TPD52: variants seen among roughly 807,000 people sequenced by gnomAD.
TPD52 encodes prostate and colon associated protein.
In TPD52, 17 loss-of-function variants were observed where a neutral mutation model predicts 31.3. The observed-to-expected ratio is 0.54, with a 90% CI of 0.37 to 0.82. The LOEUF is 0.82. Ranked by LOEUF, TPD52 falls within the 40% of genes least tolerant of loss-of-function variation. The probability of loss-of-function intolerance (pLI) is 0.00; values close to 1 mark genes in which losing one functional copy is unlikely to be tolerated. For synonymous variants in TPD52, 83 were observed against 89.6 expected (o/e 0.93, Z 0.42); for missense variants, 212 against 240.1 (o/e 0.88, Z 0.77).
At chr8:80,161,234 C>A (rs1179952347) in intron 1 of TPD52, among the ~76,000 whole-genome samples, 1 of 152,154 alleles carries the variant, frequency 6.6e-6, no homozygotes, top group Non-Finnish European at 1.5e-5. Flanking sequence ...TTCTTACATA[C>A]CTGCCTTAGG....
chr8:80,085,671 A>G (rs1433543000), intron 1 of TPD52, among the ~76,000 whole-genome samples: 1 of 152,240 alleles, frequency 6.6e-6, no homozygotes, highest in African/African-American at 2.4e-5. Flanking sequence ...AGAGTCCAAG[A>G]AAGTAATAAA....
At chr8:80,090,682 CTAT>C (rs1045528517) in intron 1 of TPD52, among the ~76,000 whole-genome samples, 7 of 150,852 alleles carry the variant, frequency 4.6e-5, no homozygotes, top group Non-Finnish European at 8.8e-5. Context: ...GGAAAAAAGA[CTAT>C]TATAGCACAG....
chr8:80,080,540 G>A, intron 1 of TPD52: 1 of 1,523,048 alleles, frequency 6.6e-7, no homozygotes, highest in Non-Finnish European at 8.8e-7. Flanking sequence ...CCCTTTGTAG[G>A]GTGCAACTTC....
intron 1 of TPD52, chr8:80,066,963 CCAAAA>C (rs1813225341): frequency 2.0e-5 from 3 of 152,158 alleles, no homozygotes; most frequent in Non-Finnish European, 4.4e-5. Flanking sequence ...CAACAGATCT[CCAAAA>C]CAAAACAAGC....
chr8:80,031,986 C>G (rs972438640), downstream of TPD52, among the ~76,000 whole-genome samples: 14 of 152,038 alleles, frequency 9.2e-5, no homozygotes, highest in African/African-American at 2.9e-4. Context: ...AACCCTGTCT[C>G]TACTAAAAAT....
chr8:80,140,950 C>CGTGT (rs142097159), intron 1 of TPD52, among the ~76,000 whole-genome samples: 3,555 of 143,730 alleles, frequency 0.025, 77 homozygotes, highest in African/African-American at 0.051. Context: ...CAATACAACT[C>CGTGT]GTGTGTGTGT....
chr8:80,041,388 T>C (rs923714743), intron 7 of TPD52, among the ~76,000 whole-genome samples: 1 of 152,250 alleles, frequency 6.6e-6, no homozygotes, highest in African/African-American at 2.4e-5. Flanking sequence ...GACTCAAAGT[T>C]CTGAAAGACT....
At chr8:80,092,561 T>C (rs1816360256) in intron 1 of TPD52, among the ~76,000 whole-genome samples, 1 of 152,192 alleles carries the variant, frequency 6.6e-6, no homozygotes, top group Non-Finnish European at 1.5e-5. Flanking sequence ...AATTGTGGTA[T>C]ATATACACAA....
At chr8:80,168,921 T>C (rs1811888548) in intron 1 of TPD52, among the ~76,000 whole-genome samples, 1 of 152,142 alleles carries the variant, frequency 6.6e-6, no homozygotes, top group African/African-American at 2.4e-5. Flanking sequence ...ACTGGTAACA[T>C]AAAGATGAAA....
intron 2 of TPD52, among the ~76,000 whole-genome samples, chr8:80,062,428 A>C (rs535660578): frequency 6.6e-6 from 1 of 152,338 alleles, no homozygotes; most frequent in African/African-American, 2.4e-5. Context: ...CCAACACTAT[A>C]AAAGTCTTAG....
chr8:80,039,497 C>T (rs994256702), intron 7 of TPD52, among the ~76,000 whole-genome samples: 3 of 152,096 alleles, frequency 2.0e-5, no homozygotes, highest in Non-Finnish European at 4.4e-5. Context: ...AATTCACTCT[C>T]CATCATCTTT....
downstream of TPD52, among the ~76,000 whole-genome samples, chr8:80,031,085 T>C (rs770831207): frequency 7.2e-5 from 11 of 152,216 alleles, no homozygotes; most frequent in Non-Finnish European, 1.6e-4. Flanking sequence ...CCTAACATCA[T>C]TCTTAAGTGT....
chr8:80,099,048 C>A (rs946139329), intron 1 of TPD52, among the ~76,000 whole-genome samples: 1 of 151,960 alleles, frequency 6.6e-6, no homozygotes, highest in African/African-American at 2.4e-5. Flanking sequence ...GTTTTGGGGG[C>A]GAGGGTATAT....
chr8:80,147,707 G>C (rs1586394154), intron 1 of TPD52, among the ~76,000 whole-genome samples: 1 of 152,240 alleles, frequency 6.6e-6, no homozygotes, highest in East Asian at 1.9e-4. Flanking sequence ...CGACAAAAAA[G>C]GGAGCTCTGA....
intron 1 of TPD52, among the ~76,000 whole-genome samples, chr8:80,138,337 T>A (rs1387562817): frequency 6.6e-6 from 1 of 152,198 alleles, no homozygotes; most frequent in African/African-American, 2.4e-5. Context: ...ATCTTCCAAC[T>A]GAAATCTGAT....
At chr8:80,042,795 C>A in intron 6 of TPD52, 127 bp from the exon 7 acceptor site, 2 of 783,428 alleles carry the variant, frequency 2.6e-6, no homozygotes, top group Non-Finnish European at 4.0e-6. Flanking sequence ...ATAATCTGTA[C>A]CATATATGTG....
Position 80,171,424 on chromosome 8 carries a change from C to A in TPD52, c.19+1G>T. 1.3e-6 allele frequency: 2 copies of A among 1,596,228 alleles called. 1 individual carries two copies. Among genetic ancestry groups the A allele is most frequent in the Non-Finnish European group, 1.7e-6 (2 of 1,177,898 alleles). On this transcript the variant is annotated splice_donor_variant, in intron 1 of 7. Coordinates refer to ENST00000518937, the MANE Select transcript of TPD52 (RefSeq NM_001025253.3). LOFTEE classifies it high-confidence loss of function. The stretch of plus-strand genomic sequence containing the variant: ...CAAGCCCGCTGGGTCCGCGCCCTCA[C>A]CTTGCTCGCCGCGGTCCATGTCTCC...
At chr8:80,043,208 G>A (rs1481549596) in intron 6 of TPD52, among the ~76,000 whole-genome samples, 2 of 152,086 alleles carry the variant, frequency 1.3e-5, no homozygotes, top group Non-Finnish European at 2.9e-5. Context: ...GCATAGAAAC[G>A]GCTTTGCCTA....
chr8:80,050,257 T>C (rs1811229591), intron 5 of TPD52, 188 bp downstream of exon 5: 1 of 435,766 alleles, frequency 2.3e-6, no homozygotes, highest in Non-Finnish European at 4.1e-6. Context: ...TTTTAATTTA[T>C]CAACTACCCA....
Sources: allele counts gnomAD v4.1 joint callset (sites outside exome capture counted in the v4.1 genomes callset), GRCh38; gene constraint gnomAD v4.1.1; transcripts MANE v1.5; gene names NCBI Gene and HGNC (gene_info 2026-07-23, HGNC 2026-07-21).